CCNG1: variants seen among roughly 807,000 people sequenced by gnomAD.
CCNG1 encodes the protein cyclin-G1.
In CCNG1, 13 loss-of-function variants were observed where a neutral mutation model predicts 30.0. That is an observed-to-expected ratio of 0.43 (90% CI 0.28 to 0.69). The LOEUF is 0.69. Among genes scored for constraint, CCNG1 ranks in the 30% least tolerant of loss-of-function variants. The probability of loss-of-function intolerance (pLI) is 0.16; values close to 1 mark genes in which losing one functional copy is unlikely to be tolerated. For missense variants in CCNG1, 285 were observed against 331.4 expected, an observed-to-expected ratio of 0.86 and a Z score of 1.09; for synonymous variants, 110 against 121.5, an observed-to-expected ratio of 0.91 and a Z score of 0.62.
intron 6 of CCNG1, 23 bp from the exon 7 acceptor site, chr5:163,443,651 G>C: frequency 7.1e-7 from 1 of 1,401,330 alleles, no homozygotes; most frequent in Non-Finnish European, 9.7e-7. Flanking sequence ...GTTGGATTTT[G>C]TTTGTTTTCT....
downstream of CCNG1, among the ~76,000 whole-genome samples, chr5:163,445,669 G>A (rs1488741905): frequency 8.2e-6 from 1 of 122,526 alleles, no homozygotes; most frequent in Non-Finnish European, 1.6e-5. Context: ...TGTTGCCCAG[G>A]CGGATCTCAA....
chr5:163,456,081 T>A, the CCNG1 span, among the ~76,000 whole-genome samples: 1 of 152,152 alleles, frequency 6.6e-6, no homozygotes, highest in African/African-American at 2.4e-5. Flanking sequence ...GGTGTTCAAC[T>A]TGGACATGTT....
chr5:163,442,785 A>AT (rs1258080082), intron 6 of CCNG1, among the ~76,000 whole-genome samples: 1 of 152,160 alleles, frequency 6.6e-6, no homozygotes, highest in Non-Finnish European at 1.5e-5. Flanking sequence ...CCTCTGATAC[A>AT]TACGTTAGCC....
chr5:163,445,451 CACTTT>C (rs1036523381), downstream of CCNG1, among the ~76,000 whole-genome samples: 1 of 151,822 alleles, frequency 6.6e-6, no homozygotes, highest in African/African-American at 2.4e-5. Context: ...TATTAGCTGA[CACTTT>C]ACTTTTTGTT....
At chr5:163,454,021 T>C in the CCNG1 span, 1 of 1,559,080 alleles carries the variant, frequency 6.4e-7, no homozygotes, top group South Asian at 1.2e-5. Flanking sequence ...TTCCTGAGAT[T>C]TCTGCTCCAC....
chr5:163,439,041 A>G, intron 1 of CCNG1: 2 of 456,496 alleles, frequency 4.4e-6, no homozygotes, highest in South Asian at 3.8e-5. Flanking sequence ...AAAAAAAAAA[A>G]GCATGGTTCC....
chr5:163,439,371 T>C lies in CCNG1; in HGVS notation c.115T>C (p.Ser39Pro). 1.2e-6 allele frequency: 2 copies of C among 1,614,178 alleles called. No homozygotes were observed. Among genetic ancestry groups the C allele is most frequent in the Non-Finnish European group, 1.7e-6 (2 of 1,180,024 alleles). The change falls in exon 2 of 7, where the codon TCT becomes CCT. Residue 39 changes from serine to proline, a missense_variant. Transcript: ENST00000340828. ...GGTCTGTGGTTTGAGACTAATTGAG[T>C]CTGCACACGATAATGGCCTCAGAAT... ...PKVCGLRLIESAHDNGLRMTA... is the reference protein window; with the variant it reads ...PKVCGLRLIEPAHDNGLRMTA...
At chr5:163,447,222 T>G, downstream of CCNG1, 1 of 152,470 alleles carries the variant, frequency 6.6e-6, no homozygotes, top group South Asian at 1.9e-4. Context: ...GAAGCCAAGG[T>G]GGGAGGATTG....
At chr5:163,438,749 C>T (rs1034940021) in intron 1 of CCNG1, among the ~76,000 whole-genome samples, 1 of 152,156 alleles carries the variant, frequency 6.6e-6, no homozygotes. Context: ...TGGTTCCGAC[C>T]GGGCGCGGTG....
chr5:163,440,943 A>G (rs887640865), intron 2 of CCNG1, 135 bp from the exon 3 acceptor site: 3 of 956,706 alleles, frequency 3.1e-6, no homozygotes, highest in Non-Finnish European at 4.5e-6. Context: ...GATTGTGTTA[A>G]GTCCATCACA....
downstream of CCNG1, chr5:163,447,623 CAT>C (rs1758072733): frequency 6.6e-6 from 1 of 152,132 alleles, no homozygotes. Context: ...ATTTAATTGA[CAT>C]AAAACCCTTC....
chr5:163,439,230 C>T (rs1453016931), intron 1 of CCNG1, 27 bp from the exon 2 acceptor site: 6 of 1,602,652 alleles, frequency 3.7e-6, no homozygotes, highest in Non-Finnish European at 5.1e-6. Flanking sequence ...TCTTACACTC[C>T]TTGCTGGTCT....
chr5:163,450,413 T>G (rs1013349940), downstream of CCNG1: 1 of 152,070 alleles, frequency 6.6e-6, no homozygotes, highest in African/African-American at 2.4e-5. Context: ...AAAGAGAGAA[T>G]AGGAGAAATT....
At chr5:163,451,533 A>G in the CCNG1 span, 1 of 152,196 alleles carries the variant, frequency 6.6e-6, no homozygotes, top group South Asian at 2.1e-4. Flanking sequence ...ACTTTACTCA[A>G]AAAATTTTGT....
In CCNG1 at chr5:163,439,340, G is replaced by A; in HGVS notation, c.84G>A (p.Gln28=). The A allele has an allele frequency of 1.2e-6, 2 of 1,614,146 alleles. No individual in the cohort carries two copies. The highest frequency in any genetic ancestry group is 1.7e-6 in the Non-Finnish European group (2 of 1,180,004). Residue 28 remains glutamine, a synonymous_variant, in exon 2 of 7, where the codon CAG becomes CAA. Transcript: ENST00000340828. ...TGTTGGAACAGGAGTCTAGATGTCA[G>A]CCAAAGGTCTGTGGTTTGAGACTAA... is the stretch of plus-strand genomic sequence containing the variant. ...NALLEQESRC[Q]PKVCGLRLIE... is the part of the protein sequence containing the mutation.
intron 2 of CCNG1, among the ~76,000 whole-genome samples, chr5:163,440,813 A>ATAGTTC (rs1757776936): frequency 6.6e-6 from 1 of 152,192 alleles, no homozygotes; most frequent in Non-Finnish European, 1.5e-5. Context: ...TACAGTGATT[A>ATAGTTC]ATAAAAACAC....
chr5:163,442,016 G>A (rs756723691), intron 4 of CCNG1, 29 bp from the exon 5 acceptor site: 14 of 1,585,242 alleles, frequency 8.8e-6, no homozygotes, highest in Non-Finnish European at 1.0e-5. Context: ...TTTTATATTT[G>A]GCATTTACTT....
rs754246739 is a variant in CCNG1, at chr5:163,444,361, G to A, written c.*691G>A. The A allele has an allele frequency of 2.6e-5, 4 of 152,240 alleles. No homozygotes were observed. The highest frequency in any genetic ancestry group is 4.8e-5 in the African/African-American group (2 of 41,344). 9.4% of individuals were successfully genotyped at this position (152,240 alleles called of 1,614,324 possible). A position where few individuals can be genotyped will look rare whatever the true frequency, so the allele number is the denominator to read the frequency against. ...GAAAACAGGTGACATTTGTATCTAC[G>A]ATAAAAATTTTTATACAGAACCTAC... is the stretch of plus-strand genomic sequence containing the variant. On this transcript the variant is annotated 3_prime_UTR_variant, in exon 7 of 7. Coordinates refer to ENST00000340828, the MANE Select transcript of CCNG1 (RefSeq NM_004060.4).
intron 1 of CCNG1, among the ~76,000 whole-genome samples, chr5:163,438,312 G>A (rs959215544): frequency 4.7e-5 from 7 of 149,102 alleles, no homozygotes; most frequent in Admixed American, 4.7e-4. Flanking sequence ...AAGTAATATT[G>A]AGTATTGTGT....
Sources: allele counts gnomAD v4.1 joint callset (sites outside exome capture counted in the v4.1 genomes callset), GRCh38; gene constraint gnomAD v4.1.1; transcripts MANE v1.5; gene names NCBI Gene and HGNC (gene_info 2026-07-23, HGNC 2026-07-21).